KALRN: variants seen among roughly 807,000 people sequenced by gnomAD.
KALRN encodes the protein kalirin.
A neutral mutation model predicts 353.7 loss-of-function variants in KALRN; 70 were observed. The ratio of observed to expected loss-of-function variants is 0.20; its 90% CI spans 0.16 to 0.24. KALRN has a LOEUF of 0.24. Among genes scored for constraint, KALRN ranks in the 10% least tolerant of loss-of-function variants. The probability of loss-of-function intolerance (pLI) is 1.00; values close to 1 mark genes in which losing one functional copy is unlikely to be tolerated. For synonymous variants in KALRN, 1,391 were observed against 1,434.8 expected (o/e 0.97, Z 0.69); for missense variants, 2,791 against 3,756.7 (o/e 0.74, Z 6.72).
In KALRN at chr3:124,655,683, C is replaced by A. The variant is rs1441047614; in HGVS notation, c.5862+16C>A. 6.2e-7 allele frequency: 1 copy of A among 1,610,184 alleles called. No individual in the cohort carries two copies. The highest frequency in any genetic ancestry group is 1.7e-5 in the Admixed American group (1 of 60,026). ...TGTGGTGGAGGTAAGTAGAGGGTTC[C>A]AGGTGGGTCTGTGGTCACCCAACCA... is the stretch of plus-strand genomic sequence containing the variant. On this transcript the variant is annotated intron_variant, in intron 39 of 59. Transcript: ENST00000682506.
At chr3:124,457,534 T>C (rs530170985) in intron 23 of KALRN, among the ~76,000 whole-genome samples, 6 of 152,380 alleles carry the variant, frequency 3.9e-5, no homozygotes, top group Non-Finnish European at 7.3e-5. Context: ...TTATTATTGC[T>C]AATATCAATA....
intron 1 of KALRN, among the ~76,000 whole-genome samples, chr3:124,052,457 T>C (rs534155136): frequency 2.3e-4 from 35 of 152,246 alleles, no homozygotes; most frequent in African/African-American, 8.4e-4. Flanking sequence ...AGGACTAACT[T>C]ATTCATCTTC....
rs752783614 is a variant in KALRN at position 124,170,831 on chromosome 3, C to CTTTTTT, written c.74-57125_74-57120dup. ...TATAAACTCCTTCCACTTCCACATTCTTTTTTTTTTTTTTTTTTTTTTTTT... is the reference window on the plus strand; with the variant it reads ...TATAAACTCCTTCCACTTCCACATTCTTTTTTTTTTTTTTTTTTTTTTTTTTTTTTT... On this transcript the variant is annotated intron_variant, in intron 1 of 59. Transcript: ENST00000682506. Among the ~76,000 whole-genome samples the CTTTTTT allele has an allele frequency of 1.3e-3, 62 of 47,148 alleles. 8 individuals are homozygous for CTTTTTT. The highest frequency in any genetic ancestry group is 2.6e-3 in the Admixed American group (8 of 3,040). 30.9% of individuals were successfully genotyped at this position (47,148 alleles called of 152,430 possible).
chr3:124,329,762 C>T (rs567970451), intron 7 of KALRN, 99 bp from the exon 8 acceptor site: 1 of 1,381,986 alleles, frequency 7.2e-7, no homozygotes, highest in Non-Finnish European at 9.9e-7. Context: ...TTCAGAAGTC[C>T]TGATGTTTCT....
chr3:124,251,219 G>A (rs553586897), intron 3 of KALRN, among the ~76,000 whole-genome samples: 1 of 152,132 alleles, frequency 6.6e-6, no homozygotes, highest in Non-Finnish European at 1.5e-5. Context: ...CCTCCAAGGT[G>A]TACATCCTTT....
rs141620030 is a variant in KALRN, at chr3:124,251,200, A to G, written c.264-13298A>G. Among the ~76,000 whole-genome samples the G allele has an allele frequency of 1.5e-4, 23 of 152,138 alleles. No individual in the cohort carries two copies. In the East Asian group the frequency reaches 4.5e-3, roughly 29 times the overall value. On this transcript the variant is annotated intron_variant, in intron 3 of 59. Transcript: ENST00000682506. ...CCATCAGGGTTTATGCAGCTGCCTC[A>G]TGCTGGTCCCTCCAAGGTGTACATC... is the stretch of plus-strand genomic sequence containing the variant.
chr3:124,044,849 C>T (rs1454141823), intron 1 of KALRN, among the ~76,000 whole-genome samples: 6 of 82,642 alleles, frequency 7.3e-5, no homozygotes, highest in African/African-American at 1.6e-4. Context: ...CTCCCTCCCT[C>T]CCTCCCTCCC....
chr3:124,443,908 G>GT (rs1377682294), intron 19 of KALRN, among the ~76,000 whole-genome samples: 7 of 152,140 alleles, frequency 4.6e-5, no homozygotes, highest in African/African-American at 1.7e-4. Flanking sequence ...AAAGAAATGG[G>GT]TTTCTACTCC....
rs772644667 is a variant in KALRN, at chr3:124,712,920, C to T, written c.8076-15C>T. On this transcript the variant is annotated splice_polypyrimidine_tract_variant and intron_variant, in intron 57 of 59. Transcript: ENST00000682506. ...ATTAATGAATGTTGGCAAACTCTCCCTTTTGTTTTTCCAGAGGCCGTTTCT... is the reference window on the plus strand; with the variant it reads ...ATTAATGAATGTTGGCAAACTCTCCTTTTTGTTTTTCCAGAGGCCGTTTCT... 34 of 1,593,636 alleles carry T rather than the reference C, an allele frequency of 2.1e-5. No homozygotes were observed. The highest frequency in any genetic ancestry group is 1.7e-4 in the Middle Eastern group (1 of 6,026).
intron 1 of KALRN, among the ~76,000 whole-genome samples, chr3:124,042,320 T>G (rs2040037551): frequency 6.6e-6 from 1 of 152,220 alleles, no homozygotes; most frequent in Non-Finnish European, 1.5e-5. Context: ...ATGAAGGCAT[T>G]GAATGGAAGG....
In KALRN at chr3:124,608,630, G is replaced by T. The variant is rs116347356; in HGVS notation, c.5183-23790G>T. Reference sequence around the variant, plus strand: ...GCTTCTGGGAGCTGCCTTTTCTGCTGCAGGCCTGCCCAAGAGTTGGGAACA... The same window carrying T: ...GCTTCTGGGAGCTGCCTTTTCTGCTTCAGGCCTGCCCAAGAGTTGGGAACA... On this transcript the variant is annotated intron_variant, in intron 34 of 59. Transcript: ENST00000682506. Among the ~76,000 whole-genome samples, 365 of 152,280 alleles carry T rather than the reference G, an allele frequency of 2.4e-3. 2 individuals carry two copies. Among genetic ancestry groups the T allele is most frequent in the African/African-American group, 8.0e-3 (334 of 41,564 alleles).
intron 48 of KALRN, among the ~76,000 whole-genome samples, chr3:124,672,812 G>A (rs541771351): frequency 1.3e-5 from 2 of 152,312 alleles, no homozygotes; most frequent in African/African-American, 4.8e-5. Context: ...CCTTAGCCGA[G>A]TTAGTTAACC....
intron 3 of KALRN, among the ~76,000 whole-genome samples, chr3:124,249,641 A>G (rs1039063069): frequency 6.6e-6 from 1 of 152,090 alleles, no homozygotes; most frequent in Non-Finnish European, 1.5e-5. Context: ...CATGCACAGG[A>G]TAAGGGCCTC....
chr3:124,495,961 GTATGTATATATATATATATATATA>G (rs1347589112), intron 32 of KALRN, among the ~76,000 whole-genome samples: 1 of 37,894 alleles, frequency 2.6e-5, no homozygotes, highest in Non-Finnish European at 5.1e-5. Context: ...GTATGTGTAT[GTATGTATATATATATATATATATA>G]TATATATATA....
intron 3 of KALRN, among the ~76,000 whole-genome samples, chr3:124,255,778 G>T (rs939648456): frequency 3.3e-5 from 5 of 152,192 alleles, no homozygotes; most frequent in Non-Finnish European, 7.3e-5. Context: ...AGACTTCTTG[G>T]AAGAAGAGGC....
At position 124,638,395 on chromosome 3, in the gene KALRN, G is replaced by A. The variant is rs960710533; in HGVS notation, c.5664+1092G>A. ...ACCTAGTGTCAAACTCCTGAAAATCGTCTATTTTCCTGCCATCTTTCCTTT... is the reference window on the plus strand; with the variant it reads ...ACCTAGTGTCAAACTCCTGAAAATCATCTATTTTCCTGCCATCTTTCCTTT... On this transcript the variant is annotated intron_variant, in intron 37 of 59. Transcript: ENST00000682506. Among the ~76,000 whole-genome samples, 8 of 150,166 alleles carry A rather than the reference G, an allele frequency of 5.3e-5. No individual in the cohort carries two copies. The East Asian group carries it at 5.8e-4, about 11-fold the overall frequency.
intron 1 of KALRN, among the ~76,000 whole-genome samples, chr3:124,065,121 A>T (rs1216860629): frequency 8.5e-5 from 13 of 152,140 alleles, no homozygotes; most frequent in Admixed American, 8.5e-4. Context: ...TTTATACCAG[A>T]ATTGAGTGGA....
chr3:124,650,508 C>T (rs1043463799), intron 37 of KALRN, among the ~76,000 whole-genome samples: 2 of 152,294 alleles, frequency 1.3e-5, no homozygotes, highest in Middle Eastern at 6.8e-3. Context: ...GAATTGCGAT[C>T]GTTAGCATTA....
intron 33 of KALRN, among the ~76,000 whole-genome samples, chr3:124,505,559 A>G (rs1484551994): frequency 6.6e-6 from 1 of 152,152 alleles, no homozygotes; most frequent in African/African-American, 2.4e-5. Flanking sequence ...CTTGAGCCCA[A>G]GAGATTGAGA....
Sources: allele counts gnomAD v4.1 joint callset (sites outside exome capture counted in the v4.1 genomes callset), GRCh38; gene constraint gnomAD v4.1.1; transcripts MANE v1.5; gene names NCBI Gene and HGNC (gene_info 2026-07-23, HGNC 2026-07-21).